DACH2: variants seen among roughly 807,000 people sequenced by gnomAD.
The protein encoded by DACH2 is dachshund homolog 2.
DACH2 carries 17 observed loss-of-function variants against 35.8 expected under a neutral mutation model. That is an observed-to-expected ratio of 0.48 (90% CI 0.33 to 0.71). The LOEUF (loss-of-function observed/expected upper bound fraction) is 0.71, where lower values mean the gene tolerates loss of function less well. Among genes scored for constraint, DACH2 ranks in the 30% least tolerant of loss-of-function variants. The probability of loss-of-function intolerance (pLI) is 0.02; values close to 1 mark genes in which losing one functional copy is unlikely to be tolerated. For synonymous variants in DACH2, 195 were observed against 177.3 expected (o/e 1.10, Z -0.79); for missense variants, 469 against 472.7 (o/e 0.99, Z 0.07).
chrX:86,816,100 G>A lies in DACH2; in HGVS notation c.1750+1G>A, dbSNP rs768225591. The stretch of plus-strand genomic sequence containing the variant: ...CCTCATGATAGTGCTGCTATGCAAG[G>A]TACAGTCAACTGAAAACTTCTTTCT... On this transcript the variant is annotated splice_donor_variant, in intron 11 of 11. Transcript: ENST00000373125. LOFTEE classifies it high-confidence loss of function. 9 of 1,154,096 alleles carry A rather than the reference G, an allele frequency of 7.8e-6. No individual in the cohort carries two copies. The South Asian group carries it at 1.7e-4, about 22-fold the overall frequency.
chrX:86,803,778 T>A (rs1389906510), intron 7 of DACH2, among the ~76,000 whole-genome samples: 1 of 110,577 alleles, frequency 9.0e-6, no homozygotes, highest in African/African-American at 3.3e-5. Flanking sequence ...AATAAATAAT[T>A]ATATTATATT....
rs556021177 is a variant in DACH2 at position 86,800,965 on chromosome X, C to T, written c.1241-11891C>T. Among the ~76,000 whole-genome samples, 42 of 110,780 alleles carry T rather than the reference C, an allele frequency of 3.8e-4. No individual in the cohort carries two copies. The South Asian group carries it at 0.015, about 38-fold the overall frequency. On this transcript the variant is annotated intron_variant, in intron 7 of 11. Coordinates refer to ENST00000373125, the MANE Select transcript of DACH2 (RefSeq NM_053281.3). Reference sequence around the variant, plus strand: ...GATTACAGGCATGAGCCACTGTGCCCGGCGCAACAGTTTTTATTATCTTAA... The same window carrying T: ...GATTACAGGCATGAGCCACTGTGCCTGGCGCAACAGTTTTTATTATCTTAA...
At chrX:86,456,730 A>AT in intron 2 of DACH2, among the ~76,000 whole-genome samples, 1 of 106,621 alleles carries the variant, frequency 9.4e-6, no homozygotes, top group Admixed American at 9.9e-5. Flanking sequence ...AAACTTCTTT[A>AT]TTTTTTTGTT....
chrX:86,376,151 A>ATG (rs57467884), intron 1 of DACH2, among the ~76,000 whole-genome samples: 15,612 of 95,417 alleles, frequency 0.16, 1,123 homozygotes, highest in East Asian at 0.27. Context: ...GTGTGTGTGT[A>ATG]TGTGTGTGTG....
chrX:86,596,353 T>C (rs1373805236), intron 3 of DACH2, among the ~76,000 whole-genome samples: 1 of 111,594 alleles, frequency 9.0e-6, no homozygotes, highest in Non-Finnish European at 1.9e-5. Flanking sequence ...CAGCAATGTA[T>C]ATGAATTTTA....
intron 1 of DACH2, among the ~76,000 whole-genome samples, chrX:86,318,469 G>T (rs1364105086): frequency 2.7e-5 from 3 of 111,565 alleles, no homozygotes; most frequent in East Asian, 2.8e-4. Flanking sequence ...ATGACAAAAT[G>T]TCCAGGGTGG....
intron 11 of DACH2, among the ~76,000 whole-genome samples, chrX:86,825,980 A>C (rs2042559177): frequency 8.9e-6 from 1 of 112,050 alleles, no homozygotes; most frequent in African/African-American, 3.2e-5. Flanking sequence ...GATACATACT[A>C]TCTGATAAGT....
At chrX:86,182,988 G>A (rs935657052) in intron 1 of DACH2, among the ~76,000 whole-genome samples, 6 of 111,431 alleles carry the variant, frequency 5.4e-5, no homozygotes, top group South Asian at 7.5e-4. Flanking sequence ...TCTATTATTG[G>A]TGTATAGGAA....
At chrX:86,241,122 G>T (rs766440610) in intron 1 of DACH2, among the ~76,000 whole-genome samples, 2 of 112,230 alleles carry the variant, frequency 1.8e-5, no homozygotes, top group Non-Finnish European at 3.8e-5. Flanking sequence ...CTTTGGAACT[G>T]GGTAATGGGC....
chrX:86,438,219 GTTT>G (rs695264), intron 2 of DACH2, among the ~76,000 whole-genome samples: 1 of 81,164 alleles, frequency 1.2e-5, no homozygotes, highest in African/African-American at 5.3e-5. Context: ...GATCTCGTAG[GTTT>G]TTTTTTTTTT....
chrX:86,638,844 G>A (rs2040310673), intron 3 of DACH2, among the ~76,000 whole-genome samples: 2 of 112,058 alleles, frequency 1.8e-5, no homozygotes, highest in East Asian at 2.8e-4. Context: ...TATGGAAACA[G>A]TATGGAAATT....
intron 2 of DACH2, among the ~76,000 whole-genome samples, chrX:86,500,494 A>G (rs2038235089): frequency 8.9e-6 from 1 of 111,794 alleles, no homozygotes; most frequent in South Asian, 3.7e-4. Flanking sequence ...TAAAACTGTA[A>G]AAAAAATGTC....
chrX:86,819,846 G>GA (rs1421553129), intron 11 of DACH2, among the ~76,000 whole-genome samples: 1 of 111,518 alleles, frequency 9.0e-6, no homozygotes, highest in East Asian at 2.8e-4. Flanking sequence ...CTGCTGAACA[G>GA]AAAATAACAT....
chrX:86,613,789 G>A (rs12011263), intron 3 of DACH2, among the ~76,000 whole-genome samples: 2,847 of 111,134 alleles, frequency 0.026, 110 homozygotes, highest in African/African-American at 0.088. Context: ...CAATAATTCA[G>A]GATCTATGGC....
intron 3 of DACH2, among the ~76,000 whole-genome samples, chrX:86,643,808 A>G (rs1386349706): frequency 2.7e-5 from 3 of 112,039 alleles, no homozygotes; most frequent in Non-Finnish European, 1.9e-5. Flanking sequence ...GGTTGGTTCA[A>G]CATACAAAAA....
chrX:86,592,051 T>A (rs1246390649), intron 3 of DACH2, among the ~76,000 whole-genome samples: 2 of 111,406 alleles, frequency 1.8e-5, no homozygotes, highest in East Asian at 5.7e-4. Flanking sequence ...GATTTTTTTT[T>A]ATTTTATCGA....
chrX:86,215,965 A>C (rs2032561144), intron 1 of DACH2, among the ~76,000 whole-genome samples: 1 of 112,205 alleles, frequency 8.9e-6, no homozygotes, highest in Admixed American at 9.5e-5. Flanking sequence ...AAAATCTTTC[A>C]CTATATCCAG....
intron 5 of DACH2, among the ~76,000 whole-genome samples, chrX:86,711,306 G>A (rs1297110902): frequency 9.0e-6 from 1 of 110,763 alleles, no homozygotes; most frequent in East Asian, 2.8e-4. Flanking sequence ...GAGCCCGGGA[G>A]GCGGAGGTTG....
At chrX:86,382,591 C>T (rs1219183494) in intron 2 of DACH2, among the ~76,000 whole-genome samples, 4 of 110,226 alleles carry the variant, frequency 3.6e-5, no homozygotes, top group Admixed American at 9.7e-5. Context: ...ACACTGGTTA[C>T]GAGTGAAGCT....
Sources: gnomAD v4.1 joint callset for allele counts (sites outside exome capture counted in the v4.1 genomes callset) on GRCh38, gnomAD v4.1.1 for gene constraint, MANE v1.5 for transcripts, NCBI Gene and HGNC (gene_info 2026-07-23, HGNC 2026-07-21) for gene names.